The following EP400 variants were observed in gnomAD, a reference collection of about 807,000 sequenced individuals.
EP400 encodes the protein E1A-binding protein p400.
EP400 carries 105 observed loss-of-function variants against 354.1 expected under a neutral mutation model. The observed-to-expected ratio is 0.30, with a 90% CI of 0.25 to 0.35. The LOEUF (loss-of-function observed/expected upper bound fraction) is 0.35, where lower values mean the gene tolerates loss of function less well. EP400 is among the 10% of genes least tolerant of loss of function. EP400 has a pLI of 1.00. For synonymous variants in EP400, 1,646 were observed against 1,716.9 expected (o/e 0.96, Z 1.02); for missense variants, 3,280 against 4,121.0 (o/e 0.80, Z 5.59).
At chr12:132,001,425 A>G (rs1019904407) in intron 12 of EP400, among the ~76,000 whole-genome samples, 2 of 152,190 alleles carry the variant, frequency 1.3e-5, no homozygotes, top group Non-Finnish European at 2.9e-5. Flanking sequence ...TGCTACTGTT[A>G]TCTAAAAGGC....
chr12:131,976,073 T>G (rs912157582), intron 2 of EP400, among the ~76,000 whole-genome samples: 1 of 152,192 alleles, frequency 6.6e-6, no homozygotes, highest in Admixed American at 6.5e-5. Context: ...TGTTGTATTT[T>G]TCACTTCTAG....
At chr12:131,979,280 T>C (rs917062922) in intron 2 of EP400, among the ~76,000 whole-genome samples, 1 of 152,134 alleles carries the variant, frequency 6.6e-6, no homozygotes, top group African/African-American at 2.4e-5. Context: ...CATTTTCCAG[T>C]AGAAAGGCAA....
intron 1 of EP400, among the ~76,000 whole-genome samples, chr12:131,959,005 T>A (rs1449128557): frequency 6.6e-6 from 1 of 152,198 alleles, no homozygotes; most frequent in Non-Finnish European, 1.5e-5. Flanking sequence ...CAGGGGCACC[T>A]GGGTGTGTCC....
chr12:131,956,536 G>A (rs1010410363), intron 1 of EP400, among the ~76,000 whole-genome samples: 1 of 151,972 alleles, frequency 6.6e-6, no homozygotes, highest in Non-Finnish European at 1.5e-5. Context: ...AATTTCCTTC[G>A]GGTAGATTTC....
intron 45 of EP400, among the ~76,000 whole-genome samples, chr12:132,060,512 G>A (rs1256065589): frequency 4.6e-5 from 7 of 152,180 alleles, no homozygotes; most frequent in Non-Finnish European, 1.0e-4. Flanking sequence ...GAGGTGGAGC[G>A]GCTCACTTGT....
chr12:131,995,126 C>T, intron 12 of EP400, 170 bp downstream of exon 12: 1 of 589,136 alleles, frequency 1.7e-6, no homozygotes, highest in Non-Finnish European at 2.9e-6. Flanking sequence ...GGTCCTGGCC[C>T]TCCTGGGTTG....
chr12:132,062,801 A>G lies in EP400; in HGVS notation c.8334+100A>G. On this transcript the variant is annotated intron_variant, in intron 47 of 52. Coordinates refer to ENST00000389561, the MANE Select transcript of EP400 (RefSeq NM_015409.5). ...GCTTGCATGGTGCAGTCCAGAGTGT[A>G]TTTTGCAAACGTCTAGCACTGCCTT... is the stretch of plus-strand genomic sequence containing the variant. 7 of 1,476,032 alleles carry G rather than the reference A, an allele frequency of 4.7e-6. No homozygotes were observed. In the South Asian group the frequency reaches 6.3e-5, roughly 13 times the overall value. The allele number at this position is 1,476,032 out of a possible 1,614,324, so 91.4% of individuals were successfully genotyped here. A position where few individuals can be genotyped will look rare whatever the true frequency, so the allele number is the denominator to read the frequency against.
At position 132,043,299 on chromosome 12, in the gene EP400, C is replaced by T. The variant is rs779626515; in HGVS notation, c.6208-5C>T. On this transcript the variant is annotated splice_polypyrimidine_tract_variant and splice_region_variant and intron_variant, in intron 32 of 52. Coordinates refer to ENST00000389561, the MANE Select transcript of EP400 (RefSeq NM_015409.5). Reference sequence around the variant, plus strand: ...CAAGGCAATCTAAACATAGACTTTCCTCAGGCCCTCAAGAGTATTGAGTAT... The same window carrying T: ...CAAGGCAATCTAAACATAGACTTTCTTCAGGCCCTCAAGAGTATTGAGTAT... The T allele has an allele frequency of 5.0e-6, 8 of 1,603,804 alleles. No homozygotes were observed. The Admixed American group carries it at 5.3e-5, about 11-fold the overall frequency.
At chr12:132,036,540 C>A (rs1047362460) in intron 30 of EP400, among the ~76,000 whole-genome samples, 3 of 152,262 alleles carry the variant, frequency 2.0e-5, no homozygotes, top group African/African-American at 4.8e-5. Context: ...AGGCCACCCT[C>A]CCTGAAGCAG....
intron 32 of EP400, among the ~76,000 whole-genome samples, chr12:132,040,404 C>T (rs527419951): frequency 9.7e-4 from 148 of 152,182 alleles, no homozygotes; most frequent in African/African-American, 3.3e-3. Flanking sequence ...GTAGGAGAGG[C>T]GTCTGTACCC....
chr12:132,013,826 A>G lies in EP400; in HGVS notation c.3836A>G (p.Gln1279Arg). The G allele has an allele frequency of 6.2e-7, 1 of 1,614,272 alleles. No individual in the cohort carries two copies. The highest frequency in any genetic ancestry group is 1.3e-5 in the African/African-American group (1 of 75,082). Residue 1279 changes from glutamine to arginine, a missense_variant, in exon 19 of 53, where the codon CAA becomes CGA. Physicochemically the swap from Gln to Arg is conservative, Grantham distance 43 (BLOSUM62 1). This residue lies in a region of EP400 where 242 missense variants were observed against 357.9 expected (regional missense o/e 0.68). Coordinates refer to ENST00000389561, the MANE Select transcript of EP400 (RefSeq NM_015409.5). This position sits in a 1 kb window ranked among gnomAD's most constrained non-coding sequence, Gnocchi z 4.5. ...LRRTKRDVEKQLTKKYEHVLK... is the reference protein window; with the variant it reads ...LRRTKRDVEKRLTKKYEHVLK... ...AGAACTAAGAGAGATGTGGAAAAGC[A>G]ACTAACAAAGAAATATGAGCATGTT...
At position 132,021,309 on chromosome 12, in the gene EP400, G is replaced by A; in HGVS notation, c.4678G>A (p.Ala1560Thr). The change falls in exon 23 of 53, where the codon GCC becomes ACC. Residue 1560 changes from alanine (A) to threonine (T), a missense_variant. Physicochemically the swap from Ala to Thr is moderately conservative, Grantham distance 58 (BLOSUM62 0). Coordinates refer to ENST00000389561, the MANE Select transcript of EP400 (RefSeq NM_015409.5). ...QRLVLPSQAQARLPSGEVVKI... is the reference protein window; with the variant it reads ...QRLVLPSQAQTRLPSGEVVKI... ...GCTGGTGCTCCCCTCGCAGGCCCAG[G>A]CCCGCTTGCCCAGTAAGTGGCCTCA... 6.6e-7 allele frequency: 1 copy of A among 1,519,746 alleles called. No homozygotes were observed. Among genetic ancestry groups the A allele is most frequent in the Non-Finnish European group, 8.8e-7 (1 of 1,140,508 alleles). The allele number at this position is 1,519,746 out of a possible 1,614,324, so 94.1% of individuals were successfully genotyped here.
intron 9 of EP400, 147 bp from the exon 10 acceptor site, chr12:131,991,260 T>G (rs1261357616): frequency 2.7e-6 from 2 of 737,138 alleles, no homozygotes; most frequent in African/African-American, 3.5e-5. Flanking sequence ...ACCACTGCCC[T>G]GCGTGATGAT....
Position 132,075,368 on chromosome 12 carries a change from C to T in EP400, c.9022-1148C>T, listed in dbSNP as rs763171940. Among the ~76,000 whole-genome samples the T allele has an allele frequency of 1.3e-5, 2 of 152,154 alleles. No individual in the cohort carries two copies. The highest frequency in any genetic ancestry group is 2.4e-5 in the African/African-American group (1 of 41,432). On this transcript the variant is annotated intron_variant, in intron 51 of 52. Coordinates refer to ENST00000389561, the MANE Select transcript of EP400 (RefSeq NM_015409.5). The surrounding 1 kb of genome is among the most constrained non-coding windows in gnomAD (Gnocchi z 4.5). Reference sequence around the variant, plus strand: ...TTTCTGCTCCGTGACTCGTGATGCCCGCCTGTGCTTAGGTTTGGAGACTGG... The same window carrying T: ...TTTCTGCTCCGTGACTCGTGATGCCTGCCTGTGCTTAGGTTTGGAGACTGG...
chr12:131,991,495 T>C, intron 10 of EP400, 39 bp downstream of exon 10: 2 of 1,594,992 alleles, frequency 1.3e-6, no homozygotes, highest in Admixed American at 1.7e-5. Flanking sequence ...TGAGAAGGAG[T>C]AGAAGCAGCT....
Position 132,077,748 on chromosome 12 carries a change from G to T in EP400, c.*75G>T, listed in dbSNP as rs752407098. Reference sequence around the variant, plus strand: ...AGAAAACGCTTTATTAGTGAACCTTGGGACCATGTCACGCAAGAGATTCAG... The same window carrying T: ...AGAAAACGCTTTATTAGTGAACCTTTGGACCATGTCACGCAAGAGATTCAG... On this transcript the variant is annotated 3_prime_UTR_variant, in exon 53 of 53. Transcript: ENST00000389561. The T allele has an allele frequency of 1.0e-5, 15 of 1,455,756 alleles. No individual in the cohort carries two copies. Among genetic ancestry groups the T allele is most frequent in the Non-Finnish European group, 1.2e-5 (13 of 1,099,182 alleles). 90.2% of individuals were successfully genotyped at this position (1,455,756 alleles called of 1,614,324 possible). A position where few individuals can be genotyped will look rare whatever the true frequency, so the allele number is the denominator to read the frequency against.
chr12:132,067,543 TGGA>T lies in EP400; in HGVS notation c.8874+62_8874+64del. 1 of 1,580,216 alleles carries T rather than the reference TGGA, an allele frequency of 6.3e-7. No homozygotes were observed. Among genetic ancestry groups the T allele is most frequent in the Non-Finnish European group, 8.6e-7 (1 of 1,166,736 alleles). On this transcript the variant is annotated intron_variant, in intron 50 of 52. Transcript: ENST00000389561. This position sits in a 1 kb window ranked among gnomAD's most constrained non-coding sequence, Gnocchi z 5.3. ...TCTATGCCAAGCCAAAGCTGGCTGC[TGGA>T]GGAGAGGGTCCTAAGCAGACAAATC...
At chr12:132,045,262 C>T in intron 37 of EP400, 57 bp from the exon 38 acceptor site, 2 of 1,593,558 alleles carry the variant, frequency 1.3e-6, no homozygotes, top group Non-Finnish European at 1.7e-6. Flanking sequence ...TGTCTTTTGC[C>T]TGCCCGTGTG....
chr12:131,986,838 A>T (rs1380109463), intron 6 of EP400, 31 bp downstream of exon 6: 9 of 1,565,740 alleles, frequency 5.7e-6, no homozygotes, highest in Non-Finnish European at 6.9e-6. Context: ...TGTAAAATGT[A>T]CTCCAGTTGG....
Sources: gnomAD v4.1 joint callset for allele counts (sites outside exome capture counted in the v4.1 genomes callset) on GRCh38, gnomAD v4.1.1 for gene constraint, gnomAD v4.1.1 regional missense constraint, Gnocchi (gnomAD v3.1) non-coding constraint, MANE v1.5 for transcripts, NCBI Gene and HGNC (gene_info 2026-07-23, HGNC 2026-07-21) for gene names.